HNRNPF: variants seen among roughly 807,000 people sequenced by gnomAD.
HNRNPF encodes HnRNP F protein.
In HNRNPF, 2 loss-of-function variants were observed where a neutral mutation model predicts 26.0. The observed-to-expected ratio is 0.08, with a 90% CI of 0.03 to 0.24. The LOEUF (loss-of-function observed/expected upper bound fraction) is 0.24, where lower values mean the gene tolerates loss of function less well. Ranked by LOEUF, HNRNPF falls within the 10% of genes least tolerant of loss-of-function variation. The pLI is 1.00. For missense variants in HNRNPF, 299 were observed against 539.2 expected, an observed-to-expected ratio of 0.55 and a Z score of 4.41; for synonymous variants, 234 against 211.5, an observed-to-expected ratio of 1.11 and a Z score of -0.92.
At chr10:43,395,250 A>G (rs1255703861) in intron 2 of HNRNPF, among the ~76,000 whole-genome samples, 5 of 152,154 alleles carry the variant, frequency 3.3e-5, no homozygotes, top group Non-Finnish European at 5.9e-5. Context: ...TGCTTGCTAG[A>G]AATTGTTCAG....
At chr10:43,402,805 GGTGAAGCATTTT>G (rs1264191333) in intron 1 of HNRNPF, among the ~76,000 whole-genome samples, 1 of 152,112 alleles carries the variant, frequency 6.6e-6, no homozygotes, top group Admixed American at 6.6e-5. Context: ...ATTTGTATTA[GGTGAAGCATTTT>G]GTCTAACAGG....
chr10:43,393,262 C>T (rs1404757839), intron 3 of HNRNPF, among the ~76,000 whole-genome samples: 1 of 152,106 alleles, frequency 6.6e-6, no homozygotes, highest in Non-Finnish European at 1.5e-5. Flanking sequence ...CCTGTATGTA[C>T]AAACAGCCAA....
At chr10:43,406,765 C>T (rs964214899) in intron 1 of HNRNPF, among the ~76,000 whole-genome samples, 6 of 152,106 alleles carry the variant, frequency 3.9e-5, no homozygotes, top group Non-Finnish European at 7.4e-5. Context: ...ACACCTCGGC[C>T]TCCCTAAATG....
rs551223636 is a variant in HNRNPF, at chr10:43,386,246, GAACA to G, written c.*387_*390del. On this transcript the variant is annotated 3_prime_UTR_variant, in exon 4 of 4. Coordinates refer to ENST00000682386, the MANE Select transcript of HNRNPF (RefSeq NM_001098204.2). The stretch of plus-strand genomic sequence containing the variant: ...TTTAAATGAAAATATAAACTAGAAT[GAACA>G]AACATGAGAAATATTTCTTTGAATC... 50 of 159,586 alleles carry G rather than the reference GAACA, an allele frequency of 3.1e-4. No individual in the cohort carries two copies. Among genetic ancestry groups the G allele is most frequent in the Non-Finnish European group, 6.3e-4 (46 of 73,030 alleles). The allele number at this position is 159,586 out of a possible 1,614,324, so 9.9% of individuals were successfully genotyped here.
At chr10:43,398,625 C>T (rs1385460223) in intron 1 of HNRNPF, among the ~76,000 whole-genome samples, 1 of 151,546 alleles carries the variant, frequency 6.6e-6, no homozygotes, top group African/African-American at 2.4e-5. Flanking sequence ...CAGGTGTGAG[C>T]CACCGCGCCC....
At chr10:43,390,836 CTT>C (rs1274197597) in intron 3 of HNRNPF, among the ~76,000 whole-genome samples, 1 of 152,128 alleles carries the variant, frequency 6.6e-6, no homozygotes, top group South Asian at 2.1e-4. Context: ...CCAGACAGTT[CTT>C]TGTGTTGTGG....
chr10:43,387,925 G>GC lies in HNRNPF; in HGVS notation c.-42dup, dbSNP rs1279870748. The GC allele has an allele frequency of 1.3e-6, 2 of 1,496,802 alleles. No homozygotes were observed. The highest frequency in any genetic ancestry group is 2.6e-5 in the South Asian group (2 of 77,678). The allele number at this position is 1,496,802 out of a possible 1,614,324, so 92.7% of individuals were successfully genotyped here. A position where few individuals can be genotyped will look rare whatever the true frequency, so the allele number is the denominator to read the frequency against. On this transcript the variant is annotated 5_prime_UTR_variant, in exon 4 of 4. Coordinates refer to ENST00000682386, the MANE Select transcript of HNRNPF (RefSeq NM_001098204.2). This position sits in a 1 kb window ranked among gnomAD's most constrained non-coding sequence, Gnocchi z 6.0. Reference sequence around the variant, plus strand: ...TGGGTGTCAGGTGATCTTGGGTGTGGCTTTTTTGTGGCTGGAAAAAAAAAA... The same window carrying GC: ...TGGGTGTCAGGTGATCTTGGGTGTGGCCTTTTTTGTGGCTGGAAAAAAAAAA...
chr10:43,400,569 G>A (rs561919185), intron 1 of HNRNPF, among the ~76,000 whole-genome samples: 5 of 152,108 alleles, frequency 3.3e-5, no homozygotes, highest in Non-Finnish European at 4.4e-5. Context: ...GGCCTCAAAA[G>A]TATCTTCCAA....
At chr10:43,396,983 G>C (rs2131979351) in intron 1 of HNRNPF, among the ~76,000 whole-genome samples, 2 of 152,104 alleles carry the variant, frequency 1.3e-5, no homozygotes, top group South Asian at 4.1e-4. Context: ...GGTGGGGTGG[G>C]GGCTGCTCCC....
At chr10:43,405,048 C>G (rs527536324) in intron 1 of HNRNPF, among the ~76,000 whole-genome samples, 1 of 152,192 alleles carries the variant, frequency 6.6e-6, no homozygotes, top group Admixed American at 6.5e-5. Context: ...CCATTCACCA[C>G]GCTTGAAATG....
chr10:43,386,375 T>G lies in HNRNPF; in HGVS notation c.*262A>C. 1 of 382,022 alleles carries G rather than the reference T, an allele frequency of 2.6e-6. No homozygotes were observed. The highest frequency in any genetic ancestry group is 6.0e-5 in the South Asian group (1 of 16,790). The allele number at this position is 382,022 out of a possible 1,614,324, so 23.7% of individuals were successfully genotyped here. A position where few individuals can be genotyped will look rare whatever the true frequency, so the allele number is the denominator to read the frequency against. On this transcript the variant is annotated 3_prime_UTR_variant, in exon 4 of 4. Transcript: ENST00000682386. ...TCCACATTTAACATACTTAAACTAC[T>G]TAAACTTAGATAACATCACTCTGAA...
At chr10:43,408,667 G>A (rs1378017474) in intron 1 of HNRNPF, 1 of 148,576 alleles carries the variant, frequency 6.7e-6, no homozygotes, top group Non-Finnish European at 1.5e-5. Context: ...AGGGGGACCC[G>A]GTCCCCGCTA....
intron 1 of HNRNPF, among the ~76,000 whole-genome samples, chr10:43,406,388 A>G (rs1410677096): frequency 6.6e-6 from 1 of 152,138 alleles, no homozygotes; most frequent in African/African-American, 2.4e-5. Flanking sequence ...CCTTAACAGA[A>G]AACTTGGCAG....
chr10:43,406,735 G>A lies in HNRNPF; in HGVS notation c.-247+2396C>T, dbSNP rs554139377. Among the ~76,000 whole-genome samples, 130 of 152,170 alleles carry A rather than the reference G, an allele frequency of 8.5e-4. 1 individual carries two copies. Among genetic ancestry groups the A allele is most frequent in the Non-Finnish European group, 9.0e-4 (61 of 67,990 alleles). ...TTTTATAGAGACGGGGTAGGTCTCT[G>A]GGGCCCAAGCGATCCTCCCACACCT... On this transcript the variant is annotated intron_variant, in intron 1 of 3. Transcript: ENST00000682386.
intron 3 of HNRNPF, among the ~76,000 whole-genome samples, chr10:43,389,369 G>A (rs909886732): frequency 6.6e-6 from 1 of 152,044 alleles, no homozygotes; most frequent in South Asian, 2.1e-4. Context: ...GGGGAAAAAA[G>A]CTCCATAAGA....
chr10:43,405,579 C>T (rs1475310081), intron 1 of HNRNPF, among the ~76,000 whole-genome samples: 1 of 151,948 alleles, frequency 6.6e-6, no homozygotes, highest in Non-Finnish European at 1.5e-5. Flanking sequence ...TGGCATTAAC[C>T]CGGGAGATGG....
At chr10:43,398,018 GTT>G (rs1564397523) in intron 1 of HNRNPF, among the ~76,000 whole-genome samples, 1 of 152,126 alleles carries the variant, frequency 6.6e-6, no homozygotes, top group African/African-American at 2.4e-5. Context: ...ATGTTTGACT[GTT>G]TTGTTTGTTT....
chr10:43,405,433 G>A (rs987512392), intron 1 of HNRNPF, among the ~76,000 whole-genome samples: 3 of 151,968 alleles, frequency 2.0e-5, no homozygotes, highest in African/African-American at 7.3e-5. Flanking sequence ...GAGGCCGGCG[G>A]ATCACGAGGT....
chr10:43,395,157 T>G (rs200977453), intron 2 of HNRNPF, among the ~76,000 whole-genome samples: 11 of 151,650 alleles, frequency 7.3e-5, no homozygotes, highest in African/African-American at 2.4e-4. Context: ...GGGAGGGAGA[T>G]GGGTGGGGGA....
Sources: gnomAD v4.1 joint callset for allele counts (sites outside exome capture counted in the v4.1 genomes callset) on GRCh38, gnomAD v4.1.1 for gene constraint, Gnocchi (gnomAD v3.1) non-coding constraint, MANE v1.5 for transcripts, NCBI Gene and HGNC (gene_info 2026-07-23, HGNC 2026-07-21) for gene names.